The following SMG1 variants were observed in gnomAD, a reference collection of about 807,000 sequenced individuals.
SMG1 encodes SMG1 nonsense mediated mRNA decay associated PI3K related kinase.
SMG1 carries 22 observed loss-of-function variants against 419.9 expected under a neutral mutation model. The ratio of observed to expected loss-of-function variants is 0.05; its 90% CI spans 0.04 to 0.07. The LOEUF (loss-of-function observed/expected upper bound fraction) is 0.07, where lower values mean the gene tolerates loss of function less well. SMG1 is among the 10% of genes least tolerant of loss of function. SMG1 has a pLI of 1.00. For synonymous variants in SMG1, 1,538 were observed against 1,553.5 expected, an observed-to-expected ratio of 0.99 and a Z score of 0.23; for missense variants, 3,185 against 4,342.0, an observed-to-expected ratio of 0.73 and a Z score of 7.49.
At position 18,847,515 on chromosome 16, in the gene SMG1, C is replaced by G. The variant is rs909502538; in HGVS notation, c.5934G>C (p.Leu1978=). ...GVLLQQHMYV[L]RRIQQLEDEV... The stretch of plus-strand genomic sequence containing the variant: ...CATCTTCAAGCTGCTGAATTCGTCT[C>G]AGGACATACATGTGTTGTTGCAGCA... Residue 1978 remains leucine (L), a synonymous_variant, in exon 38 of 63, where the codon CTG becomes CTC. Transcript: ENST00000446231. The G allele has an allele frequency of 6.2e-7, 1 of 1,614,046 alleles. No individual in the cohort carries two copies.
chr16:18,808,929 T>C lies in SMG1; in HGVS notation c.*640A>G, dbSNP rs1379821153. ...AGTGGTGGGGAGGAGTAGGGAACGATGGGGTGGTTTTTTTCCCTTCATTTC... is the reference window on the plus strand; with the variant it reads ...AGTGGTGGGGAGGAGTAGGGAACGACGGGGTGGTTTTTTTCCCTTCATTTC... On this transcript the variant is annotated 3_prime_UTR_variant, in exon 63 of 63. Coordinates refer to ENST00000446231, the MANE Select transcript of SMG1 (RefSeq NM_015092.5). 1.3e-5 allele frequency: 2 copies of C among 152,428 alleles called. No individual in the cohort carries two copies. Among genetic ancestry groups the C allele is most frequent in the Non-Finnish European group, 2.9e-5 (2 of 67,976 alleles). 9.4% of individuals were successfully genotyped at this position (152,428 alleles called of 1,614,324 possible).
intron 6 of SMG1, among the ~76,000 whole-genome samples, 192 bp downstream of exon 6, chr16:18,889,180 T>C (rs2036774194): frequency 6.6e-6 from 1 of 152,132 alleles, no homozygotes; most frequent in Non-Finnish European, 1.5e-5. Context: ...TATGCATATA[T>C]GTATGTAGCA....
chr16:18,859,232 C>G, intron 27 of SMG1, 51 bp from the exon 28 acceptor site: 1 of 1,427,900 alleles, frequency 7.0e-7, no homozygotes, highest in Non-Finnish European at 9.5e-7. Context: ...TTCATAACCA[C>G]TCAAAGAATA....
At chr16:18,828,912 C>A (rs1243446851) in intron 54 of SMG1, among the ~76,000 whole-genome samples, 1 of 151,848 alleles carries the variant, frequency 6.6e-6, no homozygotes, top group South Asian at 2.1e-4. Flanking sequence ...GAGGGAGAAT[C>A]GCTTGAACCC....
At position 18,838,140 on chromosome 16, in the gene SMG1, G is replaced by A. The variant is rs191999753; in HGVS notation, c.7287C>T (p.Gly2429=). The A allele has an allele frequency of 4.3e-5, 70 of 1,613,538 alleles. No individual in the cohort carries two copies. Among genetic ancestry groups the A allele is most frequent in the East Asian group, 1.8e-4 (8 of 44,860 alleles). The part of the protein sequence containing the change: ...YDPLVDWTAG[G]EAGFAGAVYG... The stretch of plus-strand genomic sequence containing the variant: ...AGACAGCACCAGCAAACCCAGCCTC[G>A]CCTCCTGCTGTCCAGTCCACCAGAG... The change falls in exon 45 of 63, where the codon GGC becomes GGT. Residue 2429 remains glycine (G), a synonymous_variant. Transcript: ENST00000446231.
chr16:18,912,935 G>A (rs569294274), intron 1 of SMG1, among the ~76,000 whole-genome samples: 1 of 152,058 alleles, frequency 6.6e-6, no homozygotes, highest in South Asian at 2.1e-4. Context: ...TACAACGTTC[G>A]GACAGGCAAG....
At chr16:18,867,901 G>T (rs1401903128) in intron 22 of SMG1, among the ~76,000 whole-genome samples, 2 of 151,478 alleles carry the variant, frequency 1.3e-5, no homozygotes, top group Non-Finnish European at 2.9e-5. Flanking sequence ...GTAGAGGCGG[G>T]GTTTCACTGT....
At chr16:18,874,150 T>C (rs1243615893) in intron 13 of SMG1, among the ~76,000 whole-genome samples, 1 of 152,182 alleles carries the variant, frequency 6.6e-6, no homozygotes, top group Non-Finnish European at 1.5e-5. Flanking sequence ...TGTGTTTTTT[T>C]TCTTTTGAGA....
At chr16:18,863,891 T>C (rs1398238968) in intron 24 of SMG1, 40 bp from the exon 25 acceptor site, 1 of 1,592,622 alleles carries the variant, frequency 6.3e-7, no homozygotes, top group Non-Finnish European at 8.6e-7. Flanking sequence ...GAGATTCAGA[T>C]CAGTTAGAAA....
Position 18,853,801 on chromosome 16 carries a change from G to C in SMG1, c.4550C>G (p.Ala1517Gly). Reference protein sequence around the residue: ...CAISFCKSVKAEYAVAKSILT... With the variant: ...CAISFCKSVKGEYAVAKSILT... ...AATTGATTTAGCAACTGCATATTCAGCTTTCACAGACTTGCAGAAAGATAT... is the reference window on the plus strand; with the variant it reads ...AATTGATTTAGCAACTGCATATTCACCTTTCACAGACTTGCAGAAAGATAT... Residue 1517 changes from alanine (A) to glycine (G), a missense_variant, in exon 31 of 63, where the codon GCT (alanine) becomes GGT (glycine). Transcript: ENST00000446231. 1.2e-6 allele frequency: 2 copies of C among 1,613,618 alleles called. No homozygotes were observed. The highest frequency in any genetic ancestry group is 1.1e-5 in the South Asian group (1 of 90,982).
chr16:18,838,533 A>G lies in SMG1; in HGVS notation c.7084+18T>C, dbSNP rs370612432. On this transcript the variant is annotated intron_variant, in intron 43 of 62. Transcript: ENST00000446231. ...AAACATTTGGCCCTCATAAATGTAA[A>G]GTCTACTTTTATATTACCTTTTTCA... is the stretch of plus-strand genomic sequence containing the variant. 28 of 1,613,814 alleles carry G rather than the reference A, an allele frequency of 1.7e-5. No individual in the cohort carries two copies. In the African/African-American group the frequency reaches 3.6e-4, roughly 21 times the overall value.
Position 18,892,154 on chromosome 16 carries a change from T to C in SMG1, c.549+64A>G, listed in dbSNP as rs1166458472. On this transcript the variant is annotated intron_variant, in intron 4 of 62. Coordinates refer to ENST00000446231, the MANE Select transcript of SMG1 (RefSeq NM_015092.5). ...TTCCCCATTCTTAAACTACTCAAGGTAGCATTACCTAGTTTATTATGGAAA... is the reference window on the plus strand; with the variant it reads ...TTCCCCATTCTTAAACTACTCAAGGCAGCATTACCTAGTTTATTATGGAAA... The C allele has an allele frequency of 9.6e-5, 100 of 1,040,620 alleles. 2 individuals carry two copies. Among genetic ancestry groups the C allele is most frequent in the South Asian group, 1.8e-4 (13 of 73,424 alleles). The allele number at this position is 1,040,620 out of a possible 1,614,324, so 64.5% of individuals were successfully genotyped here.
intron 7 of SMG1, 38 bp from the exon 8 acceptor site, chr16:18,885,200 A>G (rs2036563570): frequency 1.5e-6 from 1 of 671,588 alleles, no homozygotes; most frequent in East Asian, 2.7e-5. Flanking sequence ...CAATCATTTT[A>G]AGATATTACT....
intron 6 of SMG1, among the ~76,000 whole-genome samples, chr16:18,886,384 A>G (rs1284619131): frequency 2.0e-5 from 3 of 152,234 alleles, no homozygotes; most frequent in African/African-American, 4.8e-5. Context: ...TAAAATAATA[A>G]ATCATTATTT....
chr16:18,921,799 T>C (rs1197718453), intron 1 of SMG1, among the ~76,000 whole-genome samples: 1 of 152,234 alleles, frequency 6.6e-6, no homozygotes, highest in Non-Finnish European at 1.5e-5. Flanking sequence ...TTTTCTAATT[T>C]CACAACACAT....
chr16:18,892,621 T>C (rs1278600738), intron 3 of SMG1, among the ~76,000 whole-genome samples: 4 of 152,128 alleles, frequency 2.6e-5, no homozygotes, highest in Non-Finnish European at 2.9e-5. Context: ...TAGTCCCAGC[T>C]ACTCGGGAGG....
chr16:18,812,703 G>T (rs2031578416), intron 60 of SMG1, among the ~76,000 whole-genome samples: 1 of 151,246 alleles, frequency 6.6e-6, no homozygotes, highest in African/African-American at 2.4e-5. Flanking sequence ...CAGGTTCTAG[G>T]GTACATGTGC....
chr16:18,827,413 G>A (rs554511883), intron 55 of SMG1, among the ~76,000 whole-genome samples: 11 of 139,326 alleles, frequency 7.9e-5, no homozygotes, highest in Middle Eastern at 3.9e-3. Context: ...GCAACAAAGC[G>A]AGACTCTGTC....
At chr16:18,884,897 A>G in intron 8 of SMG1, 193 bp downstream of exon 8, 1 of 586,478 alleles carries the variant, frequency 1.7e-6, no homozygotes, top group Non-Finnish European at 3.0e-6. Flanking sequence ...GTCTGTACTT[A>G]CTGTACCCAC....
Sources: gnomAD v4.1 joint callset for allele counts (sites outside exome capture counted in the v4.1 genomes callset) on GRCh38, gnomAD v4.1.1 for gene constraint, MANE v1.5 for transcripts, NCBI Gene and HGNC (gene_info 2026-07-23, HGNC 2026-07-21) for gene names.